NRG1: variants seen among roughly 807,000 people sequenced by gnomAD.
NRG1 encodes the protein neuregulin 1.
A neutral mutation model predicts 63.8 loss-of-function variants in NRG1; 18 were observed. That is an observed-to-expected ratio of 0.28 (90% CI 0.19 to 0.42). The LOEUF (loss-of-function observed/expected upper bound fraction) is 0.42. NRG1 is among the 10% of genes least tolerant of loss of function. The pLI is 1.00. For synonymous variants in NRG1, 302 were observed against 301.3 expected (o/e 1.00, Z -0.02); for missense variants, 762 against 814.7 (o/e 0.94, Z 0.79).
At chr8:31,778,951 A>T (rs1043877005) in intron 1 of NRG1, among the ~76,000 whole-genome samples, 1 of 152,246 alleles carries the variant, frequency 6.6e-6, no homozygotes, top group Non-Finnish European at 1.5e-5. Flanking sequence ...TAACAATCTT[A>T]TCAGACTTAC....
chr8:32,647,870 C>T lies in NRG1; in HGVS notation c.502+30985C>T, dbSNP rs142673596. ...CTGAAGATGGGAGAACCCCTGGACT[C>T]GTGGGCCTGGCCGTGCCCTGCTGTG... is the stretch of plus-strand genomic sequence containing the variant. On this transcript the variant is annotated intron_variant, in intron 5 of 11. Transcript: ENST00000356819. The T allele has an allele frequency of 1.8e-4, 284 of 1,614,080 alleles. No individual in the cohort carries two copies. The African/African-American group carries it at 3.4e-3, about 19-fold the overall frequency.
chr8:31,743,575 GGTGT>G (rs899836179), intron 1 of NRG1, among the ~76,000 whole-genome samples: 1 of 148,374 alleles, frequency 6.7e-6, no homozygotes, highest in Non-Finnish European at 1.5e-5. Context: ...TGTGTGTGTG[GGTGT>G]GTGTGTGTGG....
intron 1 of NRG1, among the ~76,000 whole-genome samples, chr8:32,008,428 GA>G (rs1814153020): frequency 6.6e-6 from 1 of 151,620 alleles, no homozygotes; most frequent in African/African-American, 2.4e-5. Flanking sequence ...CCACTGCTAG[GA>G]AAAAAAATTG....
chr8:31,639,298 A>T, exon 1 of NRG1: 1 of 1,456,326 alleles, frequency 6.9e-7, no homozygotes, highest in Non-Finnish European at 9.3e-7. Context: ...CCGTCCTCCC[A>T]TTGCAGCACT....
intron 1 of NRG1, among the ~76,000 whole-genome samples, chr8:32,358,339 A>C (rs1045422191): frequency 6.6e-6 from 1 of 151,192 alleles, no homozygotes; most frequent in African/African-American, 2.4e-5. Flanking sequence ...GCAGACAAAA[A>C]TAAGATCAAC....
chr8:32,351,840 C>A (rs953050304), intron 1 of NRG1, among the ~76,000 whole-genome samples: 1 of 152,144 alleles, frequency 6.6e-6, no homozygotes, highest in African/African-American at 2.4e-5. Context: ...GTCAGGGGCA[C>A]TGGCCTTACT....
chr8:32,770,668 G>A (rs959138775), downstream of NRG1, among the ~76,000 whole-genome samples: 3 of 152,074 alleles, frequency 2.0e-5, no homozygotes, highest in Non-Finnish European at 4.4e-5. Context: ...TCACAATTTC[G>A]ACATGTAGGT....
intron 1 of NRG1, among the ~76,000 whole-genome samples, chr8:32,175,470 A>G (rs993164487): frequency 6.6e-6 from 1 of 152,192 alleles, no homozygotes; most frequent in East Asian, 1.9e-4. Flanking sequence ...TAGTGTTGGA[A>G]GTTTTGGCCA....
At chr8:32,442,912 T>G (rs1780196707) in intron 1 of NRG1, among the ~76,000 whole-genome samples, 1 of 151,508 alleles carries the variant, frequency 6.6e-6, no homozygotes, top group Admixed American at 6.6e-5. Context: ...ACAACAACTA[T>G]GAGTATCTTA....
Position 31,640,302 on chromosome 8 carries a change from C to A in NRG1, c.37+871C>A. 3 of 1,136,052 alleles carry A rather than the reference C, an allele frequency of 2.6e-6. No individual in the cohort carries two copies. Among genetic ancestry groups the A allele is most frequent in the Non-Finnish European group, 3.2e-6 (3 of 927,250 alleles). 70.4% of individuals were successfully genotyped at this position (1,136,052 alleles called of 1,614,324 possible). A position where few individuals can be genotyped will look rare whatever the true frequency, so the allele number is the denominator to read the frequency against. ...ACAGGAAGGCGGCGGCGGCGGCGGG[C>A]GAGGCAGGGGCGTGGGGCGGCGATC... On this transcript the variant is annotated intron_variant, in intron 1 of 10. Transcript: ENST00000519301. The surrounding 1 kb of genome is among the most constrained non-coding windows in gnomAD (Gnocchi z 6.3).
intron 1 of NRG1, among the ~76,000 whole-genome samples, chr8:32,038,856 G>T (rs962133177): frequency 6.6e-6 from 1 of 152,050 alleles, no homozygotes; most frequent in Non-Finnish European, 1.5e-5. Context: ...TTTTGCTTGC[G>T]TGAAAGAGGA....
At chr8:32,678,451 TC>T (rs1807753928) in intron 5 of NRG1, among the ~76,000 whole-genome samples, 1 of 152,174 alleles carries the variant, frequency 6.6e-6, no homozygotes, top group African/African-American at 2.4e-5. Context: ...CTTTTTTTTT[TC>T]TATTCAAAAA....
intron 1 of NRG1, among the ~76,000 whole-genome samples, chr8:32,276,315 G>A (rs1455687526): frequency 1.3e-5 from 2 of 152,070 alleles, no homozygotes; most frequent in Non-Finnish European, 2.9e-5. Flanking sequence ...TCTCTGGCTG[G>A]CTTATTTTAG....
At chr8:32,175,635 C>G (rs1044813740) in intron 1 of NRG1, among the ~76,000 whole-genome samples, 5 of 152,170 alleles carry the variant, frequency 3.3e-5, no homozygotes, top group Non-Finnish European at 7.3e-5. Flanking sequence ...TCAGCAAAGT[C>G]TCAGGATACA....
chr8:32,173,224 C>G (rs1326626327), intron 1 of NRG1, among the ~76,000 whole-genome samples: 2 of 152,108 alleles, frequency 1.3e-5, no homozygotes, highest in Admixed American at 6.5e-5. Context: ...CCCAGAATTT[C>G]ATATCCAGCC....
At chr8:32,431,256 A>C (rs1398499097) in intron 1 of NRG1, among the ~76,000 whole-genome samples, 15 of 152,174 alleles carry the variant, frequency 9.9e-5, no homozygotes, top group Admixed American at 9.8e-4. Flanking sequence ...ACATAAAGTC[A>C]CTCAGGAAAC....
At chr8:31,888,750 A>G (rs1316975611) in intron 1 of NRG1, among the ~76,000 whole-genome samples, 1 of 152,098 alleles carries the variant, frequency 6.6e-6, no homozygotes, top group Non-Finnish European at 1.5e-5. Context: ...TAGATGCCCT[A>G]GGGTCTTTTC....
intron 1 of NRG1, among the ~76,000 whole-genome samples, chr8:31,739,035 G>T (rs1814987352): frequency 6.6e-6 from 1 of 152,046 alleles, no homozygotes; most frequent in Non-Finnish European, 1.5e-5. Flanking sequence ...GTGTGTGTGT[G>T]GTGTGCACGT....
exon 12 of NRG1, chr8:32,764,383 A>G: frequency 6.3e-7 from 1 of 1,599,998 alleles, no homozygotes; most frequent in South Asian, 1.1e-5. Context: ...ATTGCTAACC[A>G]AGACCCTATT....
Sources: gnomAD v4.1 joint callset for allele counts (sites outside exome capture counted in the v4.1 genomes callset) on GRCh38, gnomAD v4.1.1 for gene constraint, Gnocchi (gnomAD v3.1) non-coding constraint, MANE v1.5 for transcripts, NCBI Gene and HGNC (gene_info 2026-07-23, HGNC 2026-07-21) for gene names.